Variants in RIC3 observed in about 807,000 individuals in gnomAD.
RIC3 encodes protein RIC-3.
Under a neutral mutation model 27.3 loss-of-function variants are expected in RIC3, and 28 were observed. The observed-to-expected ratio is 1.02, with a 90% CI of 0.76 to 1.41. RIC3 has a LOEUF of 1.41. Among genes scored for constraint, RIC3 ranks in the 40% most tolerant of loss-of-function variants. RIC3 has a pLI of 0.00. For synonymous variants in RIC3, 184 were observed against 160.4 expected (o/e 1.15, Z -1.11); for missense variants, 501 against 444.7 (o/e 1.13, Z -1.14).
chr11:8,153,882 A>AC (rs1045555280), intron 1 of RIC3, among the ~76,000 whole-genome samples: 11 of 152,134 alleles, frequency 7.2e-5, no homozygotes, highest in Non-Finnish European at 1.2e-4. Context: ...CAGGCTTGAG[A>AC]CCTACAACCT....
chr11:8,142,841 GC>G (rs950259680), intron 1 of RIC3, among the ~76,000 whole-genome samples: 16 of 95,824 alleles, frequency 1.7e-4, no homozygotes, highest in Non-Finnish European at 2.9e-4. Flanking sequence ...GATCAAGTGG[GC>G]TTCATCCCTG....
chr11:8,141,738 C>T lies in RIC3; in HGVS notation c.125-1545G>A, dbSNP rs548928155. Among the ~76,000 whole-genome samples the T allele has an allele frequency of 5.6e-3, 849 of 152,224 alleles. 5 individuals carry two copies. The highest frequency in any genetic ancestry group is 0.027 in the Middle Eastern group (8 of 294). ...AACAGAATATACATTTTTTTCAGCACCACACCACAACTATTCCAAAATTGA... is the reference window on the plus strand; with the variant it reads ...AACAGAATATACATTTTTTTCAGCATCACACCACAACTATTCCAAAATTGA... On this transcript the variant is annotated intron_variant, in intron 1 of 5. Coordinates refer to ENST00000309737, the MANE Select transcript of RIC3 (RefSeq NM_001206671.4).
At chr11:8,104,629 C>T (rs1360848216), downstream of RIC3, 1 of 152,204 alleles carries the variant, frequency 6.6e-6, no homozygotes, top group Non-Finnish European at 1.5e-5. Context: ...CCAGCTTTTT[C>T]TCTCAGGGTT....
At chr11:8,157,118 G>A in intron 1 of RIC3, among the ~76,000 whole-genome samples, 1 of 152,106 alleles carries the variant, frequency 6.6e-6, no homozygotes, top group East Asian at 1.9e-4. Context: ...CATTAGACAA[G>A]GCCATTCTGT....
intron 3 of RIC3, 22 bp from the exon 4 acceptor site, chr11:8,137,493 A>G: frequency 6.2e-7 from 1 of 1,602,852 alleles, no homozygotes; most frequent in Non-Finnish European, 8.5e-7. Context: ...GCAACAATCT[A>G]AGAACCATCA....
chr11:8,161,905 G>C (rs559493395), intron 1 of RIC3, among the ~76,000 whole-genome samples: 1 of 140,324 alleles, frequency 7.1e-6, no homozygotes, highest in Non-Finnish European at 1.5e-5. Context: ...CTATAAATGA[G>C]ACACTCACTT....
At chr11:8,157,405 C>T (rs962620074) in intron 1 of RIC3, among the ~76,000 whole-genome samples, 4 of 152,312 alleles carry the variant, frequency 2.6e-5, no homozygotes, top group Non-Finnish European at 4.4e-5. Flanking sequence ...CTCCAGATCA[C>T]CTAACACAAA....
chr11:8,094,258 T>C, the RIC3 span: 44 of 1,507,582 alleles, frequency 2.9e-5, no homozygotes, highest in East Asian at 4.9e-4. Context: ...GGAAGGTTTG[T>C]CCTCCTGACT....
chr11:8,156,524 G>A (rs1950669597), intron 1 of RIC3, among the ~76,000 whole-genome samples: 1 of 152,144 alleles, frequency 6.6e-6, no homozygotes, highest in Non-Finnish European at 1.5e-5. Context: ...CCCACAAACT[G>A]AATTCCTAAA....
chr11:8,124,530 A>C (rs1156582849), intron 5 of RIC3, among the ~76,000 whole-genome samples: 2 of 152,232 alleles, frequency 1.3e-5, no homozygotes, highest in African/African-American at 4.8e-5. Flanking sequence ...AAAAACTGAC[A>C]AACTGATTGT....
rs1564943037 is a variant in RIC3, at chr11:8,107,368, T to G, written c.*3330A>C. The G allele has an allele frequency of 6.6e-6, 1 of 152,178 alleles. No homozygotes were observed. The highest frequency in any genetic ancestry group is 1.5e-5 in the Non-Finnish European group (1 of 68,046). The allele number at this position is 152,178 out of a possible 1,614,324, so 9.4% of individuals were successfully genotyped here. A position where few individuals can be genotyped will look rare whatever the true frequency, so the allele number is the denominator to read the frequency against. ...TGGCCTATCTCCTGTGGCCTCTGCC[T>G]CTGGTGGGAAATAGCGCATACAGGA... On this transcript the variant is annotated 3_prime_UTR_variant, in exon 6 of 6. Transcript: ENST00000309737.
At chr11:8,119,434 A>T (rs1946215053) in intron 5 of RIC3, among the ~76,000 whole-genome samples, 2 of 152,234 alleles carry the variant, frequency 1.3e-5, no homozygotes, top group South Asian at 4.1e-4. Context: ...GACAAAAACA[A>T]GAAACGGGGA....
At position 8,140,122 on chromosome 11, in the gene RIC3, G is replaced by T; in HGVS notation, c.196C>A (p.Arg66Ser). 6.2e-7 allele frequency: 1 copy of T among 1,614,076 alleles called. No homozygotes were observed. Among genetic ancestry groups the T allele is most frequent in the Non-Finnish European group, 8.5e-7 (1 of 1,180,018 alleles). The change falls in exon 2 of 6, where the codon CGT (arginine) becomes AGT (serine). Residue 66 changes from arginine to serine, a missense_variant. By Grantham distance (110) the Arg-to-Ser change is moderately radical (BLOSUM62 -1). Coordinates refer to ENST00000309737, the MANE Select transcript of RIC3 (RefSeq NM_001206671.4). Reference protein sequence around the residue: ...APSDGQTPGARFQRSHLAEAF... With the variant: ...APSDGQTPGASFQRSHLAEAF... Reference sequence around the variant, plus strand: ...TCGGCAAGGTGAGACCTCTGGAAACGAGCCCCAGGAGTCTGGCCATCTGAG... The same window carrying T: ...TCGGCAAGGTGAGACCTCTGGAAACTAGCCCCAGGAGTCTGGCCATCTGAG...
chr11:8,146,629 G>A (rs555326710), intron 1 of RIC3, among the ~76,000 whole-genome samples: 5 of 152,242 alleles, frequency 3.3e-5, no homozygotes, highest in South Asian at 2.1e-4. Context: ...TACCCAAGGC[G>A]GTTAGGGTGC....
chr11:8,139,589 G>A (rs1435580997), intron 2 of RIC3: 1 of 196,716 alleles, frequency 5.1e-6, no homozygotes, highest in Non-Finnish European at 1.0e-5. Flanking sequence ...AATAATAAAA[G>A]CTCTTCTTAG....
chr11:8,111,995 C>T (rs745458751), intron 5 of RIC3, among the ~76,000 whole-genome samples: 3 of 152,228 alleles, frequency 2.0e-5, no homozygotes, highest in Non-Finnish European at 2.9e-5. Context: ...AACCCATTTG[C>T]CCATTATGAT....
At chr11:8,128,343 G>A (rs763236246) in intron 4 of RIC3, 5 of 451,646 alleles carry the variant, frequency 1.1e-5, no homozygotes, top group Non-Finnish European at 2.2e-5. Flanking sequence ...TGGGAAATCA[G>A]AAGCCCTTAT....
chr11:8,134,031 A>C (rs1052024533), intron 4 of RIC3, among the ~76,000 whole-genome samples: 5 of 151,518 alleles, frequency 3.3e-5, no homozygotes, highest in Admixed American at 2.6e-4. Flanking sequence ...GTTCTAGGGT[A>C]CATGTGCACA....
chr11:8,101,490 C>G (rs759242756), downstream of RIC3: 9 of 1,614,192 alleles, frequency 5.6e-6, no homozygotes, highest in South Asian at 7.7e-5. Flanking sequence ...CCCCAGCGGA[C>G]TACATCGTGA....
Sources: gnomAD v4.1 joint callset for allele counts (sites outside exome capture counted in the v4.1 genomes callset) on GRCh38, gnomAD v4.1.1 for gene constraint, MANE v1.5 for transcripts, NCBI Gene and HGNC (gene_info 2026-07-23, HGNC 2026-07-21) for gene names.